OR7A10: variants seen among roughly 807,000 people sequenced by gnomAD.
The protein encoded by OR7A10 is olfactory receptor 7A10.
For missense variants in OR7A10, 358 were observed against 370.1 expected (o/e 0.97, Z 0.27); for synonymous variants, 144 against 144.5 (o/e 1.00, Z 0.02).
At chr19:14,844,669 T>G (rs1008950974) in intron 1 of OR7A10, among the ~76,000 whole-genome samples, 1 of 134,084 alleles carries the variant, frequency 7.5e-6, no homozygotes, top group Non-Finnish European at 1.6e-5. Context: ...TCTGTGTTTT[T>G]TTTTTTTTTT....
intron 1 of OR7A10, among the ~76,000 whole-genome samples, chr19:14,844,520 C>A (rs1342112394): frequency 6.6e-6 from 1 of 152,132 alleles, no homozygotes; most frequent in African/African-American, 2.4e-5. Flanking sequence ...ATGAGGTGAC[C>A]TCCTAAATGC....
chr19:14,845,070 A>AACAC (rs200527978), intron 1 of OR7A10, among the ~76,000 whole-genome samples: 40,217 of 141,448 alleles, frequency 0.28, 6,615 homozygotes, highest in East Asian at 0.58. Flanking sequence ...CACACACACA[A>AACAC]ACACACACAC....
rs758596389 is a variant in OR7A10 at position 14,841,344 on chromosome 19, G to GA, written c.533dup (p.Cys179LeufsTer2). The GA allele has an allele frequency of 8.1e-6, 13 of 1,614,098 alleles. No individual in the cohort carries two copies. In the South Asian group the frequency reaches 9.9e-5, roughly 12 times the overall value. Reference sequence around the variant, plus strand: ...GGTGGACCACCTGATTAATTTCACAGAAAAAATGAGGGATTTCCATGTGTG... The same window carrying GA: ...GGTGGACCACCTGATTAATTTCACAGAAAAAAATGAGGGATTTCCATGTGTG... On this transcript the variant is annotated frameshift_variant, in exon 2 of 2. Transcript: ENST00000641129. LOFTEE classifies it low-confidence loss of function (END_TRUNC).
At chr19:14,848,002 A>C (rs2044951340) in intron 1 of OR7A10, among the ~76,000 whole-genome samples, 1 of 151,908 alleles carries the variant, frequency 6.6e-6, no homozygotes, top group Admixed American at 6.5e-5. Flanking sequence ...GAGCACCTGT[A>C]ATCCCAGCTA....
chr19:14,847,912 T>C (rs368227889), intron 1 of OR7A10, among the ~76,000 whole-genome samples: 60 of 151,688 alleles, frequency 4.0e-4, no homozygotes, highest in African/African-American at 1.4e-3. Flanking sequence ...ATCACGAGGT[T>C]AAGAGATTGA....
In OR7A10 at chr19:14,841,130, A is replaced by G. The variant is rs375547686; in HGVS notation, c.748T>C (p.Leu250=). 3.5e-5 allele frequency: 57 copies of G among 1,613,968 alleles called. No individual in the cohort carries two copies. Among genetic ancestry groups the G allele is most frequent in the Non-Finnish European group, 4.7e-5 (55 of 1,179,986 alleles). Residue 250 remains leucine (L), a synonymous_variant, in exon 2 of 2, where the codon TTA becomes CTA. Coordinates refer to ENST00000641129, the MANE Select transcript of OR7A10 (RefSeq NM_001005190.2). The part of the protein sequence containing the change: ...TCASHLSVVS[L]FYGTCLGVYL... ...ACCCCTAAGCATGTACCATAAAATAAGGAGACAACTGAGAGGTGAGATGCA... is the reference window on the plus strand; with the variant it reads ...ACCCCTAAGCATGTACCATAAAATAGGGAGACAACTGAGAGGTGAGATGCA...
In OR7A10 at chr19:14,841,621, T is replaced by A; in HGVS notation, c.257A>T (p.Gln86Leu). 1 of 1,614,182 alleles carries A rather than the reference T, an allele frequency of 6.2e-7. No homozygotes were observed. Among genetic ancestry groups the A allele is most frequent in the Non-Finnish European group, 8.5e-7 (1 of 1,180,034 alleles). ...TTVPKMLVNI[Q>L]THNKVITYAG... ...ATAGGTGATGACTTTGTTGTGTGTC[T>A]GGATGTTCACCAGCATCTTCGGGAC... Residue 86 changes from glutamine to leucine, a missense_variant, in exon 2 of 2, where the codon CAG (glutamine) becomes CTG (leucine). Gln to Leu is a moderately radical substitution (Grantham distance 113, BLOSUM62 -2). Coordinates refer to ENST00000641129, the MANE Select transcript of OR7A10 (RefSeq NM_001005190.2).
intron 1 of OR7A10, 33 bp from the exon 2 acceptor site, chr19:14,841,922 G>C: frequency 1.5e-4 from 182 of 1,245,630 alleles, no homozygotes; most frequent in Non-Finnish European, 1.8e-4. Context: ...GAGAGAGAGA[G>C]TGAAAGAACA....
At chr19:14,845,679 C>T (rs2044939112) in intron 1 of OR7A10, among the ~76,000 whole-genome samples, 2 of 152,242 alleles carry the variant, frequency 1.3e-5, no homozygotes, top group South Asian at 4.1e-4. Context: ...AAGTGATACA[C>T]CTGGATACAG....
In OR7A10 at chr19:14,841,748, G is replaced by T. The variant is rs12985894; in HGVS notation, c.130C>A (p.Leu44Ile). Residue 44 changes from leucine (L) to isoleucine (I), a missense_variant, in exon 2 of 2, where the codon CTC becomes ATC. Leu to Ile is a conservative substitution (Grantham distance 5, BLOSUM62 2). Coordinates refer to ENST00000641129, the MANE Select transcript of OR7A10 (RefSeq NM_001005190.2). ...TCTGAGATTGTGGCCAGGATGATGA[G>T]CAGGTTCCCGAGCACAGTGACCAGG... ...MYLVTVLGNL[L>I]IILATISDSH... 0.16 allele frequency: 257,014 copies of T among 1,613,854 alleles called. 21,207 individuals carry two copies. The highest frequency in any genetic ancestry group is 0.17 in the Non-Finnish European group (201,871 of 1,179,898).
intron 1 of OR7A10, 98 bp from the exon 2 acceptor site, chr19:14,841,987 G>T: frequency 1.4e-6 from 1 of 716,384 alleles, no homozygotes; most frequent in Non-Finnish European, 2.3e-6. Context: ...ATATTCCACA[G>T]TCAAGAAGTT....
chr19:14,847,716 G>C (rs1285442687), intron 1 of OR7A10, among the ~76,000 whole-genome samples: 1 of 151,762 alleles, frequency 6.6e-6, no homozygotes, highest in African/African-American at 2.4e-5. Flanking sequence ...GGGTTTCACT[G>C]TGTTAGCTAG....
intron 1 of OR7A10, among the ~76,000 whole-genome samples, chr19:14,845,979 C>T (rs1237415655): frequency 6.6e-6 from 1 of 152,086 alleles, no homozygotes; most frequent in Admixed American, 6.5e-5. Context: ...ACGGTGAAAC[C>T]CCATCTCTAC....
At position 14,841,836 on chromosome 19, in the gene OR7A10, G is replaced by A. The variant is rs2044915921; in HGVS notation, c.42C>T (p.Leu14=). 2 of 1,613,172 alleles carry A rather than the reference G, an allele frequency of 1.2e-6. No individual in the cohort carries two copies. Among genetic ancestry groups the A allele is most frequent in the Middle Eastern group, 1.6e-4 (1 of 6,084 alleles). Residue 14 remains leucine (L), a synonymous_variant, in exon 2 of 2, where the codon CTC becomes CTT. Coordinates refer to ENST00000641129, the MANE Select transcript of OR7A10 (RefSeq NM_001005190.2). ...ATTCTGGTTCCTCTGAAATTCCCAG[G>A]AGAAGAAATTCTAAAATTATTGTAT... ...WNNTIILEFL[L]LGISEEPELQ...
chr19:14,840,962 T>A lies in OR7A10; in HGVS notation c.916A>T (p.Arg306Ter). The A allele has an allele frequency of 6.2e-7, 1 of 1,609,038 alleles. No individual in the cohort carries two copies. Among genetic ancestry groups the A allele is most frequent in the Non-Finnish European group, 8.5e-7 (1 of 1,178,196 alleles). ...HIKGAMKTFF[R>*]GKQ The stretch of plus-strand genomic sequence containing the variant: ...AAATAGCCTTTCTATTGCTTTCCTC[T>A]GAAGAATGTTTTCATAGCACCCTTT... Residue 306 changes from arginine (R) to a stop codon, truncating the protein, a stop_gained, in exon 2 of 2, where the codon AGA becomes TGA. Transcript: ENST00000641129. LOFTEE classifies it low-confidence loss of function (END_TRUNC).
chr19:14,842,179 C>G (rs1490348595), intron 1 of OR7A10, among the ~76,000 whole-genome samples: 2 of 152,166 alleles, frequency 1.3e-5, no homozygotes, highest in East Asian at 1.9e-4. Context: ...CCAGTAATAA[C>G]CATAGTACGT....
chr19:14,848,050 G>A (rs2044951606), intron 1 of OR7A10, among the ~76,000 whole-genome samples: 1 of 151,804 alleles, frequency 6.6e-6, no homozygotes, highest in African/African-American at 2.4e-5. Flanking sequence ...TTGAATCCGG[G>A]AGGCAGAGGT....
rs757173899 is a variant in OR7A10, at chr19:14,841,530, G to A, written c.348C>T (p.Thr116=). The A allele has an allele frequency of 1.8e-5, 29 of 1,614,164 alleles. No individual in the cohort carries two copies. The highest frequency in any genetic ancestry group is 2.3e-5 in the Non-Finnish European group (27 of 1,180,020). ...LFVGLDNFLL[T]VMAYDRFVAI... The stretch of plus-strand genomic sequence containing the variant: ...CCACAAACCGGTCATAGGCCATCAC[G>A]GTCAGAAGGAAGTTATCCAATCCTA... The change falls in exon 2 of 2, where the codon ACC becomes ACT. Residue 116 remains threonine, a synonymous_variant. Coordinates refer to ENST00000641129, the MANE Select transcript of OR7A10 (RefSeq NM_001005190.2).
chr19:14,844,947 G>A (rs1453707284), intron 1 of OR7A10, among the ~76,000 whole-genome samples: 1 of 151,570 alleles, frequency 6.6e-6, no homozygotes, highest in East Asian at 2.0e-4. Context: ...ATAGGCGTAA[G>A]CCACCATGCC....
Sources: allele counts gnomAD v4.1 joint callset (sites outside exome capture counted in the v4.1 genomes callset), GRCh38; gene constraint gnomAD v4.1.1; transcripts MANE v1.5; gene names NCBI Gene and HGNC (gene_info 2026-07-23, HGNC 2026-07-21).